KCNMA1: variants seen among roughly 807,000 people sequenced by gnomAD.
KCNMA1 encodes potassium calcium-activated channel subfamily M alpha 1, also known as Calcium-activated potassium channel subunit alpha-1.
Under a neutral mutation model 140.0 loss-of-function variants are expected in KCNMA1, and 29 were observed. The observed-to-expected ratio is 0.21, with a 90% CI of 0.15 to 0.28. The LOEUF (loss-of-function observed/expected upper bound fraction) is 0.28, where lower values mean the gene tolerates loss of function less well. KCNMA1 is among the 10% of genes least tolerant of loss of function. The pLI is 1.00. For synonymous variants in KCNMA1, 612 were observed against 611.9 expected (o/e 1.00, Z 0.00); for missense variants, 880 against 1,602.2 (o/e 0.55, Z 7.70).
chr10:77,062,072 T>C (rs562013252), intron 14 of KCNMA1, among the ~76,000 whole-genome samples: 15 of 152,144 alleles, frequency 9.9e-5, no homozygotes, highest in Admixed American at 3.3e-4. Flanking sequence ...CTGATTGTGG[T>C]GGTGGTTGCA....
chr10:77,106,473 C>T (rs990858965), intron 9 of KCNMA1, among the ~76,000 whole-genome samples: 1 of 151,658 alleles, frequency 6.6e-6, no homozygotes, highest in East Asian at 1.9e-4. Context: ...CAGCTGGCAC[C>T]GAAAGCTGCC....
At chr10:77,411,435 C>CATG (rs2096615859) in intron 1 of KCNMA1, among the ~76,000 whole-genome samples, 1 of 152,142 alleles carries the variant, frequency 6.6e-6, no homozygotes, top group Non-Finnish European at 1.5e-5. Context: ...TGTTTTTTAG[C>CATG]ATGATCATAG....
At chr10:77,059,753 A>G (rs539713412) in intron 14 of KCNMA1, among the ~76,000 whole-genome samples, 6 of 152,270 alleles carry the variant, frequency 3.9e-5, no homozygotes, top group African/African-American at 1.4e-4. Flanking sequence ...AGTTCATATC[A>G]TACTTAATGG....
rs190494140 is a variant in KCNMA1, at chr10:77,332,677, T to C, written c.540+71185A>G. Among the ~76,000 whole-genome samples the C allele has an allele frequency of 1.6e-3, 249 of 152,170 alleles. 3 individuals carry two copies. Among genetic ancestry groups the C allele is most frequent in the Middle Eastern group, 0.014 (4 of 294 alleles). ...CAGAGCTAGGAGGGTTTTGCAGTGG[T>C]AGGGAACTAGCAGTACACTTGAACA... On this transcript the variant is annotated intron_variant, in intron 2 of 27. Transcript: ENST00000286628.
chr10:77,244,731 G>T (rs1285444848), intron 3 of KCNMA1, among the ~76,000 whole-genome samples: 1 of 152,196 alleles, frequency 6.6e-6, no homozygotes, highest in East Asian at 1.9e-4. Context: ...GGTCAGATGA[G>T]CTAGGAAGGC....
chr10:77,484,650 C>G (rs555300406), intron 1 of KCNMA1, among the ~76,000 whole-genome samples: 35 of 152,338 alleles, frequency 2.3e-4, no homozygotes, highest in African/African-American at 7.7e-4. Context: ...CTGTGTATCT[C>G]CATGGTTCTC....
chr10:77,190,419 T>C (rs2154137069), intron 3 of KCNMA1, among the ~76,000 whole-genome samples: 1 of 152,280 alleles, frequency 6.6e-6, no homozygotes, highest in African/African-American at 2.4e-5. Context: ...ACCCTGCAGC[T>C]ATGTGGTAGA....
chr10:76,936,290 T>C (rs968613869), intron 23 of KCNMA1, among the ~76,000 whole-genome samples: 2 of 152,146 alleles, frequency 1.3e-5, no homozygotes, highest in Non-Finnish European at 2.9e-5. Flanking sequence ...TTTAATGAAA[T>C]GTACTACTCT....
chr10:77,039,725 T>C (rs2094539201), intron 14 of KCNMA1, 88 bp from the exon 15 acceptor site: 1 of 791,154 alleles, frequency 1.3e-6, no homozygotes, highest in South Asian at 1.4e-5. Context: ...GGCAAACAAA[T>C]GAATGCACTG....
intron 1 of KCNMA1, among the ~76,000 whole-genome samples, chr10:77,466,439 G>A (rs1003784889): frequency 6.6e-6 from 1 of 152,156 alleles, no homozygotes; most frequent in African/African-American, 2.4e-5. Context: ...CAACAAACAT[G>A]CATTGAGAAC....
At chr10:77,403,594 T>C (rs1040069838) in intron 2 of KCNMA1, among the ~76,000 whole-genome samples, 2 of 152,148 alleles carry the variant, frequency 1.3e-5, no homozygotes, top group Non-Finnish European at 2.9e-5. Flanking sequence ...TGTGCGCGCA[T>C]GTGTGCTTTA....
intron 3 of KCNMA1, among the ~76,000 whole-genome samples, chr10:77,234,399 C>A (rs779985182): frequency 6.6e-6 from 1 of 152,120 alleles, no homozygotes; most frequent in Non-Finnish European, 1.5e-5. Context: ...AACTTGTTTA[C>A]GGTCTGTCTC....
rs816826 is a variant in KCNMA1 at position 77,529,245 on chromosome 10, T to A, written c.378+108020A>T. 2.0e-5 allele frequency among the ~76,000 whole-genome samples: 3 copies of A among 150,990 alleles called. No homozygotes were observed. In the East Asian group the frequency reaches 5.9e-4, roughly 30 times the overall value. On this transcript the variant is annotated intron_variant, in intron 1 of 27. Coordinates refer to ENST00000286628, the MANE Select transcript of KCNMA1 (RefSeq NM_001161352.2). ...TCCTGCCCTCCCCTCTTTTTCCCCCTGCACCACTCTGCCTGTGGTTTCCCA... is the reference window on the plus strand; with the variant it reads ...TCCTGCCCTCCCCTCTTTTTCCCCCAGCACCACTCTGCCTGTGGTTTCCCA...
intron 15 of KCNMA1, among the ~76,000 whole-genome samples, chr10:77,031,944 T>C (rs1006207866): frequency 6.6e-6 from 1 of 152,186 alleles, no homozygotes; most frequent in Admixed American, 6.5e-5. Context: ...AGTGGCAAAC[T>C]AGGAAAGTCT....
intron 2 of KCNMA1, among the ~76,000 whole-genome samples, chr10:77,295,623 T>C (rs1478406690): frequency 6.8e-6 from 1 of 147,094 alleles, no homozygotes; most frequent in Non-Finnish European, 1.5e-5. Flanking sequence ...CTACTAAAAA[T>C]ACAAAAAATT....
At chr10:77,627,525 A>T (rs2092680357) in intron 1 of KCNMA1, among the ~76,000 whole-genome samples, 1 of 152,210 alleles carries the variant, frequency 6.6e-6, no homozygotes, top group African/African-American at 2.4e-5. Flanking sequence ...CTGTCTCAGG[A>T]GGACGAAGAA....
Position 77,637,281 on chromosome 10 carries a change from C to T in KCNMA1, c.362G>A (p.Cys121Tyr). The change falls in exon 1 of 28, where the codon TGC becomes TAC. Residue 121 changes from cysteine to tyrosine, a missense_variant. Coordinates refer to ENST00000286628, the MANE Select transcript of KCNMA1 (RefSeq NM_001161352.2). ...GCGCGTTACCTTCGTCTTGCCCCCG[C>T]AGTGGCAGCACACGGTCCACAGGTA... ...LKYLWTVCCH[C>Y]GGKTKEAQKI... 6.2e-7 allele frequency: 1 copy of T among 1,608,936 alleles called. No homozygotes were observed. Among genetic ancestry groups the T allele is most frequent in the Non-Finnish European group, 8.5e-7 (1 of 1,176,728 alleles).
In KCNMA1 at chr10:77,403,949, T is replaced by G. The variant is rs747102916; in HGVS notation, c.453A>C (p.Ala151=). The change falls in exon 2 of 28, where the codon GCA becomes GCC. Residue 151 remains alanine (A), a synonymous_variant. Transcript: ENST00000286628. ...TCATCCAGCCGACCTCGGCGGCCAC[T>G]GCCTCCTCTTTTTCATCCACTGGTT... is the stretch of plus-strand genomic sequence containing the variant. ...TLKPVDEKEE[A]VAAEVGWMTS... The G allele has an allele frequency of 6.2e-7, 1 of 1,614,202 alleles. No homozygotes were observed. The highest frequency in any genetic ancestry group is 1.1e-5 in the South Asian group (1 of 91,088).
rs56706119 is a variant in KCNMA1 at position 77,572,569 on chromosome 10, CATATATATATAT to C, written c.378+64684_378+64695del. ...TGTCGCTCCAAAAAAAAAAAAAATC[CATATATATATAT>C]ATATATATATATATATATATATAAA... On this transcript the variant is annotated intron_variant, in intron 1 of 27. Coordinates refer to ENST00000286628, the MANE Select transcript of KCNMA1 (RefSeq NM_001161352.2). Among the ~76,000 whole-genome samples the C allele has an allele frequency of 1.2e-3, 46 of 37,562 alleles. 1 individual carries two copies. Among genetic ancestry groups the C allele is most frequent in the South Asian group, 4.9e-3 (5 of 1,016 alleles). The allele number at this position is 37,562 out of a possible 152,430, so 24.6% of individuals were successfully genotyped here.
Sources: allele counts gnomAD v4.1 joint callset (sites outside exome capture counted in the v4.1 genomes callset), GRCh38; gene constraint gnomAD v4.1.1; transcripts MANE v1.5; gene names NCBI Gene and HGNC (gene_info 2026-07-23, HGNC 2026-07-21).